The following RALYL variants were observed in gnomAD, a reference collection of about 807,000 sequenced individuals.
RALYL encodes the protein RALY RNA binding protein like.
A neutral mutation model predicts 35.1 loss-of-function variants in RALYL; 29 were observed. That is an observed-to-expected ratio of 0.83 (90% CI 0.61 to 1.13). The LOEUF (loss-of-function observed/expected upper bound fraction) is 1.13. Ranked by LOEUF, RALYL falls within the 50% of genes most tolerant of loss-of-function variation. The pLI, the probability that RALYL is intolerant of heterozygous loss-of-function variation, is 0.00. For missense variants in RALYL, 359 were observed against 360.4 expected (o/e 1.00, Z 0.03); for synonymous variants, 120 against 127.6 (o/e 0.94, Z 0.40).
rs377737768 is a variant in RALYL at position 84,887,600 on chromosome 8, C to T, written c.686-4C>T. 19 of 1,602,770 alleles carry T rather than the reference C, an allele frequency of 1.2e-5. No homozygotes were observed. The highest frequency in any genetic ancestry group is 4.5e-5 in the South Asian group (4 of 89,330). ...AGTAGTCATTTGCTTTCTCCCCCCC[C>T]CAGAAGCTCAGAAGAAGCAATTGGA... is the stretch of plus-strand genomic sequence containing the variant. On this transcript the variant is annotated splice_polypyrimidine_tract_variant and splice_region_variant and intron_variant, in intron 7 of 8. Coordinates refer to ENST00000521268, the MANE Select transcript of RALYL (RefSeq NM_173848.7).
chr8:84,463,511 C>T (rs1246964146), intron 1 of RALYL, among the ~76,000 whole-genome samples: 1 of 151,842 alleles, frequency 6.6e-6, no homozygotes, highest in African/African-American at 2.4e-5. Flanking sequence ...GTGTATTATA[C>T]CAAGGTATCC....
intron 1 of RALYL, among the ~76,000 whole-genome samples, chr8:84,224,485 G>C (rs1823338603): frequency 6.6e-6 from 1 of 152,070 alleles, no homozygotes; most frequent in South Asian, 2.1e-4. Flanking sequence ...GTTTAGGCTG[G>C]GGGCCAAGGG....
intron 2 of RALYL, among the ~76,000 whole-genome samples, chr8:84,691,195 C>T (rs1837972882): frequency 1.3e-5 from 2 of 151,986 alleles, no homozygotes; most frequent in African/African-American, 2.4e-5. Context: ...GTCAGGATAA[C>T]TTTATATGGG....
chr8:84,767,600 G>C (rs1022148565), intron 2 of RALYL, among the ~76,000 whole-genome samples: 1 of 152,218 alleles, frequency 6.6e-6, no homozygotes, highest in Non-Finnish European at 1.5e-5. Context: ...CCCTTCAAGT[G>C]GGGGCGTGCC....
At chr8:84,860,305 A>G (rs1407489658) in intron 5 of RALYL, among the ~76,000 whole-genome samples, 1 of 152,192 alleles carries the variant, frequency 6.6e-6, no homozygotes, top group Non-Finnish European at 1.5e-5. Flanking sequence ...CTGTAAAACT[A>G]CACATTGGTG....
rs1586062126 is a variant in RALYL, at chr8:84,764,949, T to C, written c.257-9630T>C. Among the ~76,000 whole-genome samples the C allele has an allele frequency of 2.0e-5, 3 of 152,196 alleles. No individual in the cohort carries two copies. In the South Asian group the frequency reaches 6.2e-4, roughly 31 times the overall value. On this transcript the variant is annotated intron_variant, in intron 2 of 8. Coordinates refer to ENST00000521268, the MANE Select transcript of RALYL (RefSeq NM_173848.7). ...TCGCTCAAAATGCTACAAATGTCCATATTTTAGAGCCCTGGGTGTGCTGTA... is the reference window on the plus strand; with the variant it reads ...TCGCTCAAAATGCTACAAATGTCCACATTTTAGAGCCCTGGGTGTGCTGTA...
chr8:84,654,270 CATATATATATATATAT>C lies in RALYL; in HGVS notation c.257-120280_257-120265del, dbSNP rs143309933. Among the ~76,000 whole-genome samples, 316 of 44,534 alleles carry C rather than the reference CATATATATATATATAT, an allele frequency of 7.1e-3. 4 individuals are homozygous for C. Among genetic ancestry groups the C allele is most frequent in the South Asian group, 0.044 (27 of 612 alleles). 29.2% of individuals were successfully genotyped at this position (44,534 alleles called of 152,430 possible). ...CAACGTATATGTATATCTCATGTTC[CATATATATATATATAT>C]ATATATATATATATATATATATATA... is the stretch of plus-strand genomic sequence containing the variant. On this transcript the variant is annotated intron_variant, in intron 2 of 8. Coordinates refer to ENST00000521268, the MANE Select transcript of RALYL (RefSeq NM_173848.7).
At chr8:84,870,689 T>C (rs535982683) in intron 6 of RALYL, among the ~76,000 whole-genome samples, 1 of 151,478 alleles carries the variant, frequency 6.6e-6, no homozygotes, top group Non-Finnish European at 1.5e-5. Flanking sequence ...GGGGAAAAAG[T>C]AGAAAACAAA....
chr8:84,896,272 C>T (rs1242848673), intron 8 of RALYL, among the ~76,000 whole-genome samples: 1 of 152,144 alleles, frequency 6.6e-6, no homozygotes, highest in African/African-American at 2.4e-5. Context: ...GCCCTGTCCC[C>T]AGCTCTAAAC....
chr8:84,311,613 A>T (rs921772181), intron 1 of RALYL, among the ~76,000 whole-genome samples: 9 of 152,164 alleles, frequency 5.9e-5, no homozygotes, highest in African/African-American at 2.2e-4. Context: ...CCTGTAAATT[A>T]ATCTCTGGAA....
intron 1 of RALYL, among the ~76,000 whole-genome samples, chr8:84,522,399 G>A (rs1025768427): frequency 3.9e-4 from 59 of 151,660 alleles, no homozygotes; most frequent in African/African-American, 1.3e-3. Context: ...ACAGGCGCCC[G>A]CCACTACGCC....
At chr8:84,644,237 A>G (rs1230421879) in intron 2 of RALYL, among the ~76,000 whole-genome samples, 1 of 152,090 alleles carries the variant, frequency 6.6e-6, no homozygotes, top group African/African-American at 2.4e-5. Context: ...AAAGTTTTAA[A>G]ATGCACTTTT....
intron 4 of RALYL, among the ~76,000 whole-genome samples, chr8:84,836,912 G>C (rs1235089041): frequency 6.6e-6 from 1 of 152,180 alleles, no homozygotes; most frequent in African/African-American, 2.4e-5. Context: ...GTGCCAAAGA[G>C]AGAGAATAAT....
chr8:84,841,032 A>G (rs1359398651), intron 4 of RALYL, among the ~76,000 whole-genome samples: 1 of 152,246 alleles, frequency 6.6e-6, no homozygotes, highest in African/African-American at 2.4e-5. Flanking sequence ...TGTAAAGACC[A>G]TCGAGTCTAG....
At chr8:84,464,142 GTT>G (rs71271994) in intron 1 of RALYL, among the ~76,000 whole-genome samples, 14 of 142,960 alleles carry the variant, frequency 9.8e-5, no homozygotes, top group African/African-American at 3.3e-4. Flanking sequence ...TTTTTTTTTT[GTT>G]TTTTTTTTTA....
At chr8:84,897,041 TG>T (rs1844879518) in intron 8 of RALYL, among the ~76,000 whole-genome samples, 2 of 152,208 alleles carry the variant, frequency 1.3e-5, no homozygotes, top group South Asian at 4.1e-4. Flanking sequence ...GTATTTTATC[TG>T]GCACCCCTAC....
chr8:84,681,841 C>T (rs148726240), intron 2 of RALYL, among the ~76,000 whole-genome samples: 38 of 152,090 alleles, frequency 2.5e-4, no homozygotes, highest in East Asian at 2.1e-3. Context: ...TTCCTTTTTC[C>T]GCCTGATTGC....
At chr8:84,518,419 T>C (rs1454807086) in intron 1 of RALYL, among the ~76,000 whole-genome samples, 1 of 152,168 alleles carries the variant, frequency 6.6e-6, no homozygotes, top group Non-Finnish European at 1.5e-5. Context: ...ATTTTACCAA[T>C]GAGAAATTAC....
At chr8:84,841,420 A>C (rs554343787) in intron 4 of RALYL, among the ~76,000 whole-genome samples, 190 of 152,328 alleles carry the variant, frequency 1.2e-3, no homozygotes, top group African/African-American at 4.2e-3. Context: ...AGAGCTAACT[A>C]TCCTAAATAT....
Sources: allele counts gnomAD v4.1 joint callset (sites outside exome capture counted in the v4.1 genomes callset), GRCh38; gene constraint gnomAD v4.1.1; transcripts MANE v1.5; gene names NCBI Gene and HGNC (gene_info 2026-07-23, HGNC 2026-07-21).